Variants in CLMP observed in about 807,000 individuals in gnomAD.
CLMP encodes the protein CXADR like cell adhesion molecule.
CLMP carries 27 observed loss-of-function variants against 45.2 expected under a neutral mutation model. The ratio of observed to expected loss-of-function variants is 0.60; its 90% confidence interval spans 0.44 to 0.82. CLMP has a LOEUF of 0.82. Ranked by LOEUF, CLMP falls within the 40% of genes least tolerant of loss-of-function variation. The pLI, the probability that CLMP is intolerant of heterozygous loss-of-function variation, is 0.00. For missense variants in CLMP, 403 were observed against 448.4 expected (o/e 0.90, Z 0.91); for synonymous variants, 167 against 171.4 (o/e 0.97, Z 0.20).
Position 123,134,168 on chromosome 11 carries a change from G to A in CLMP, c.29-36216C>T, listed in dbSNP as rs368774489. Among the ~76,000 whole-genome samples the A allele has an allele frequency of 3.6e-4, 55 of 151,810 alleles. No individual in the cohort carries two copies. The East Asian group carries it at 0.011, about 30-fold the overall frequency. On this transcript the variant is annotated intron_variant, in intron 1 of 6. Coordinates refer to ENST00000448775, the MANE Select transcript of CLMP (RefSeq NM_024769.5). Reference sequence around the variant, plus strand: ...CCAGCTACTCGGGAGGCTGAGGCATGAGAATCACTGGAACCTGGGAGGGGG... The same window carrying A: ...CCAGCTACTCGGGAGGCTGAGGCATAAGAATCACTGGAACCTGGGAGGGGG...
At chr11:123,156,700 C>T (rs1406931204) in intron 1 of CLMP, among the ~76,000 whole-genome samples, 2 of 152,134 alleles carry the variant, frequency 1.3e-5, no homozygotes, top group East Asian at 1.9e-4. Context: ...TTCAGCTATA[C>T]AAAAAGGTGG....
At chr11:123,124,675 G>C (rs919437959) in intron 1 of CLMP, among the ~76,000 whole-genome samples, 1 of 152,200 alleles carries the variant, frequency 6.6e-6, no homozygotes, top group Non-Finnish European at 1.5e-5. Context: ...ACCATCTGCA[G>C]CGCTGGGCAT....
intron 5 of CLMP, among the ~76,000 whole-genome samples, chr11:123,080,892 C>G (rs1294851211): frequency 1.3e-5 from 2 of 152,070 alleles, no homozygotes; most frequent in African/African-American, 4.8e-5. Flanking sequence ...CACCTGTGAT[C>G]CCAGCACTTT....
chr11:123,093,227 G>A (rs945726145), intron 2 of CLMP, among the ~76,000 whole-genome samples: 1 of 152,040 alleles, frequency 6.6e-6, no homozygotes, highest in Non-Finnish European at 1.5e-5. Flanking sequence ...ACTTTTAAGA[G>A]ACAGGTCTCA....
chr11:123,103,642 C>T (rs1860484575), intron 1 of CLMP, among the ~76,000 whole-genome samples: 1 of 152,154 alleles, frequency 6.6e-6, no homozygotes, highest in African/African-American at 2.4e-5. Flanking sequence ...CGTTAGACTC[C>T]AGGAGGCCAC....
intron 1 of CLMP, among the ~76,000 whole-genome samples, chr11:123,191,888 A>G (rs1274654718): frequency 6.6e-6 from 1 of 152,232 alleles, no homozygotes; most frequent in Admixed American, 6.5e-5. Flanking sequence ...GGGGTGTTAG[A>G]TAAGCATTTG....
chr11:123,171,357 A>G (rs879678134), intron 1 of CLMP, among the ~76,000 whole-genome samples: 1 of 152,078 alleles, frequency 6.6e-6, no homozygotes. Context: ...AACCTTGGAG[A>G]CAGCAGGCTG....
rs182264309 is a variant in CLMP, at chr11:123,194,041, C to T, written c.28+872G>A. Among the ~76,000 whole-genome samples the T allele has an allele frequency of 4.5e-4, 68 of 152,232 alleles. 1 individual carries two copies. Among genetic ancestry groups the T allele is most frequent in the Admixed American group, 2.1e-3 (32 of 15,300 alleles). The stretch of plus-strand genomic sequence containing the variant: ...GCTCTCCCTGACTGCCTTTCCTGCC[C>T]TGGCTCCTCAGACATTTCCAGTCAC... On this transcript the variant is annotated intron_variant, in intron 1 of 6. Transcript: ENST00000448775.
At position 123,073,581 on chromosome 11, in the gene CLMP, C is replaced by G. The variant is rs1865698934; in HGVS notation, c.1015G>C (p.Glu339Gln). Reference sequence around the variant, plus strand: ...TTCTTTGGTTCAGAACCTCTCACCTCTGGCCCCACTAGGCTGTATGCCTGG... The same window carrying G: ...TTCTTTGGTTCAGAACCTCTCACCTGTGGCCCCACTAGGCTGTATGCCTGG... The part of the protein sequence containing the change: ...ATQAYSLVGP[E>Q]VRGSEPKKVH... Residue 339 changes from glutamate (E) to glutamine (Q), a missense_variant, in exon 7 of 7, where the codon GAG becomes CAG. Coordinates refer to ENST00000448775, the MANE Select transcript of CLMP (RefSeq NM_024769.5). The G allele has an allele frequency of 6.2e-7, 1 of 1,614,126 alleles. No individual in the cohort carries two copies. Among genetic ancestry groups the G allele is most frequent in the Non-Finnish European group, 8.5e-7 (1 of 1,180,052 alleles).
intron 1 of CLMP, among the ~76,000 whole-genome samples, chr11:123,184,347 C>T (rs1861805951): frequency 6.6e-6 from 1 of 152,180 alleles, no homozygotes; most frequent in South Asian, 2.1e-4. Flanking sequence ...CCTGCCGCCT[C>T]GGCCTCCCAA....
At chr11:123,149,701 G>C (rs758642231) in intron 1 of CLMP, among the ~76,000 whole-genome samples, 14 of 152,206 alleles carry the variant, frequency 9.2e-5, no homozygotes, top group African/African-American at 3.1e-4. Context: ...TGCATCCCTG[G>C]AACTGGGAAC....
At chr11:123,138,624 A>T (rs962501194) in intron 1 of CLMP, among the ~76,000 whole-genome samples, 2 of 23,484 alleles carry the variant, frequency 8.5e-5, no homozygotes, top group Admixed American at 4.9e-4. Context: ...CTCCCCTGCC[A>T]CCATTTGGTG....
At chr11:123,098,030 T>A in intron 1 of CLMP, 78 bp from the exon 2 acceptor site, 1 of 1,240,226 alleles carries the variant, frequency 8.1e-7, no homozygotes, top group Non-Finnish European at 1.1e-6. Context: ...CAACAAAGAA[T>A]TATGGGATGT....
Position 123,071,922 on chromosome 11 carries a change from T to C in CLMP, c.*1552A>G, listed in dbSNP as rs547532809. On this transcript the variant is annotated 3_prime_UTR_variant, in exon 7 of 7. Coordinates refer to ENST00000448775, the MANE Select transcript of CLMP (RefSeq NM_024769.5). ...TCTTTCTTCTCCCATTCATCAACTCTTCAGCAGCTATCCTGGTGAGTTATT... is the reference window on the plus strand; with the variant it reads ...TCTTTCTTCTCCCATTCATCAACTCCTCAGCAGCTATCCTGGTGAGTTATT... The C allele has an allele frequency of 6.6e-6, 1 of 152,348 alleles. No homozygotes were observed. The highest frequency in any genetic ancestry group is 2.4e-5 in the African/African-American group (1 of 41,590). The allele number at this position is 152,348 out of a possible 1,614,324, so 9.4% of individuals were successfully genotyped here.
intron 1 of CLMP, among the ~76,000 whole-genome samples, chr11:123,175,504 CAG>C (rs532645814): frequency 1.7e-3 from 264 of 152,278 alleles, no homozygotes; most frequent in African/African-American, 6.2e-3. Flanking sequence ...AGTGAGGACA[CAG>C]AGCCAAAGAA....
intron 1 of CLMP, among the ~76,000 whole-genome samples, chr11:123,168,519 C>G (rs1861589538): frequency 6.6e-6 from 1 of 152,196 alleles, no homozygotes; most frequent in Non-Finnish European, 1.5e-5. Flanking sequence ...CTTGGGGCTG[C>G]TTTTCTCCTT....
At chr11:123,170,286 T>C (rs756237312) in intron 1 of CLMP, among the ~76,000 whole-genome samples, 1 of 152,160 alleles carries the variant, frequency 6.6e-6, no homozygotes, top group Admixed American at 6.5e-5. Flanking sequence ...CAAATCCCTC[T>C]GATGAGACTT....
intron 1 of CLMP, among the ~76,000 whole-genome samples, chr11:123,148,933 G>A (rs1189246900): frequency 6.6e-6 from 1 of 152,192 alleles, no homozygotes; most frequent in Non-Finnish European, 1.5e-5. Context: ...CACATCAAAT[G>A]CTACCTCTAC....
intron 1 of CLMP, among the ~76,000 whole-genome samples, chr11:123,125,600 CT>C (rs1199748780): frequency 8.3e-6 from 1 of 120,826 alleles, no homozygotes; most frequent in Non-Finnish European, 1.8e-5. Context: ...TTCTTCTTTT[CT>C]TTTCTTTCTT....
Sources: allele counts gnomAD v4.1 joint callset (sites outside exome capture counted in the v4.1 genomes callset), GRCh38; gene constraint gnomAD v4.1.1; transcripts MANE v1.5; gene names NCBI Gene and HGNC (gene_info 2026-07-23, HGNC 2026-07-21).